Variants in PGCKA1 observed in about 807,000 individuals in gnomAD.
The protein encoded by PGCKA1 is PDCD10 and GCKIII kinases associated 1.
the PGCKA1 span, among the ~76,000 whole-genome samples, chr4:37,502,420 G>C: frequency 1.3e-5 from 2 of 152,186 alleles, no homozygotes. Context: ...GGTGGATGCA[G>C]GTCTGTGTGT....
At chr4:37,562,743 A>G in the PGCKA1 span, among the ~76,000 whole-genome samples, 84 of 152,292 alleles carry the variant, frequency 5.5e-4, 1 homozygote, top group Non-Finnish European at 9.6e-4. Context: ...ATGACACTAT[A>G]TTAGTCATGT....
chr4:37,547,412 A>AT, the PGCKA1 span, among the ~76,000 whole-genome samples: 1 of 152,076 alleles, frequency 6.6e-6, no homozygotes, highest in Non-Finnish European at 1.5e-5. Context: ...TGAGTGTGGT[A>AT]TTTTGTCTCA....
the PGCKA1 span, among the ~76,000 whole-genome samples, chr4:37,558,446 C>T: frequency 6.5e-3 from 990 of 152,224 alleles, 11 homozygotes; most frequent in African/African-American, 0.023. Context: ...CCGGGACCTA[C>T]GGCATCAGCC....
the PGCKA1 span, among the ~76,000 whole-genome samples, chr4:37,589,275 A>G: frequency 2.6e-5 from 4 of 152,210 alleles, no homozygotes; most frequent in African/African-American, 9.6e-5. Context: ...ACTTCTAACT[A>G]AGAAAAAGGG....
chr4:37,504,588 C>T, the PGCKA1 span, among the ~76,000 whole-genome samples: 1 of 152,048 alleles, frequency 6.6e-6, no homozygotes, highest in East Asian at 1.9e-4. Flanking sequence ...GTGTGTGTGT[C>T]GTTTTCCATT....
At chr4:37,562,070 G>T in the PGCKA1 span, among the ~76,000 whole-genome samples, 1 of 152,194 alleles carries the variant, frequency 6.6e-6, no homozygotes, top group Non-Finnish European at 1.5e-5. Flanking sequence ...GGGTCCATGA[G>T]AAGAAACCCA....
the PGCKA1 span, among the ~76,000 whole-genome samples, chr4:37,570,321 C>T: frequency 6.7e-6 from 1 of 150,068 alleles, no homozygotes; most frequent in Non-Finnish European, 1.5e-5. Context: ...CTTTCAAGTT[C>T]TCTAAAATAA....
At chr4:37,485,469 C>T in the PGCKA1 span, among the ~76,000 whole-genome samples, 9 of 152,126 alleles carry the variant, frequency 5.9e-5, no homozygotes, top group Non-Finnish European at 1.2e-4. Context: ...TCCACCTTCC[C>T]CCATGGAATG....
chr4:37,526,039 A>G, the PGCKA1 span, among the ~76,000 whole-genome samples: 1 of 152,226 alleles, frequency 6.6e-6, no homozygotes. Context: ...CATTTGTATC[A>G]TACTGTTTAT....
At chr4:37,524,166 G>A in the PGCKA1 span, among the ~76,000 whole-genome samples, 1 of 152,198 alleles carries the variant, frequency 6.6e-6, no homozygotes, top group African/African-American at 2.4e-5. Flanking sequence ...TTAAGAAAAG[G>A]AACTGCATTC....
the PGCKA1 span, among the ~76,000 whole-genome samples, chr4:37,475,085 A>G: frequency 6.6e-6 from 1 of 152,168 alleles, no homozygotes; most frequent in African/African-American, 2.4e-5. Context: ...TGCTTGACCT[A>G]CTGATGGTTT....
At chr4:37,463,265 A>G in the PGCKA1 span, among the ~76,000 whole-genome samples, 1 of 152,112 alleles carries the variant, frequency 6.6e-6, no homozygotes, top group East Asian at 1.9e-4. Context: ...TAAAGCCGCC[A>G]TTACCTGGGT....
chr4:37,561,417 G>T, the PGCKA1 span, among the ~76,000 whole-genome samples: 1 of 152,240 alleles, frequency 6.6e-6, no homozygotes, highest in South Asian at 2.1e-4. Flanking sequence ...GTGATATGAG[G>T]TGGAATAACA....
chr4:37,563,312 C>G, the PGCKA1 span, among the ~76,000 whole-genome samples: 1 of 152,148 alleles, frequency 6.6e-6, no homozygotes, highest in Non-Finnish European at 1.5e-5. Flanking sequence ...TCGGCAAATT[C>G]GATTCCCGGG....
chr4:37,514,832 A>C, the PGCKA1 span, among the ~76,000 whole-genome samples: 1 of 152,192 alleles, frequency 6.6e-6, no homozygotes, highest in Non-Finnish European at 1.5e-5. Flanking sequence ...AAGATAGCTG[A>C]TCTACATTGC....
At chr4:37,533,922 C>G in the PGCKA1 span, among the ~76,000 whole-genome samples, 3 of 152,122 alleles carry the variant, frequency 2.0e-5, no homozygotes, top group Non-Finnish European at 4.4e-5. Flanking sequence ...TTTTGGGATT[C>G]AAAATATGCC....
the PGCKA1 span, among the ~76,000 whole-genome samples, chr4:37,455,585 T>C: frequency 6.6e-6 from 1 of 152,228 alleles, no homozygotes; most frequent in Non-Finnish European, 1.5e-5. Context: ...AGATAAATAA[T>C]GATACCTAAA....
chr4:37,529,840 C>A, the PGCKA1 span, among the ~76,000 whole-genome samples: 1 of 152,200 alleles, frequency 6.6e-6, no homozygotes, highest in South Asian at 2.1e-4. Context: ...TCACCCCAGG[C>A]AGTGTGCTAG....
At chr4:37,457,406 C>T in the PGCKA1 span, among the ~76,000 whole-genome samples, 3 of 152,178 alleles carry the variant, frequency 2.0e-5, no homozygotes, top group Admixed American at 1.3e-4. Flanking sequence ...AGAGGCTATA[C>T]ATAATGCCTG....
Sources: allele counts gnomAD v4.1 joint callset (sites outside exome capture counted in the v4.1 genomes callset), GRCh38; gene constraint gnomAD v4.1.1; transcripts MANE v1.5; gene names NCBI Gene and HGNC (gene_info 2026-07-23, HGNC 2026-07-21).